PALLD: variants seen among roughly 807,000 people sequenced by gnomAD.
PALLD encodes palladin, cytoskeletal associated protein, also known as palladin.
A neutral mutation model predicts 123.5 loss-of-function variants in PALLD; 61 were observed. The observed-to-expected ratio is 0.49, with a 90% CI of 0.40 to 0.61. The LOEUF is 0.61. Among genes scored for constraint, PALLD ranks in the 20% least tolerant of loss-of-function variants. The pLI is 0.00. For synonymous variants in PALLD, 465 were observed against 496.4 expected, an observed-to-expected ratio of 0.94 and a Z score of 0.84; for missense variants, 1,273 against 1,377.0, an observed-to-expected ratio of 0.92 and a Z score of 1.20.
At chr4:168,917,832 T>C (rs917860382) in intron 17 of PALLD, among the ~76,000 whole-genome samples, 17 of 152,242 alleles carry the variant, frequency 1.1e-4, no homozygotes, top group Admixed American at 1.1e-3. Flanking sequence ...TCATTTTTGG[T>C]CTATAATTAA....
chr4:168,534,524 T>C (rs1389880328), intron 2 of PALLD, among the ~76,000 whole-genome samples: 4 of 152,248 alleles, frequency 2.6e-5, no homozygotes, highest in African/African-American at 9.6e-5. Context: ...ATGGAGAAGA[T>C]TGATACTTTT....
chr4:168,728,722 A>T (rs1018506614), intron 10 of PALLD, among the ~76,000 whole-genome samples: 1 of 151,890 alleles, frequency 6.6e-6, no homozygotes, highest in African/African-American at 2.4e-5. Flanking sequence ...TTATTTTCCC[A>T]TAAGTTATTG....
chr4:168,657,739 C>T (rs1000501049), intron 2 of PALLD, among the ~76,000 whole-genome samples: 1 of 152,202 alleles, frequency 6.6e-6, no homozygotes, highest in African/African-American at 2.4e-5. Flanking sequence ...GCAGCTCCAC[C>T]TTCCCTTTTC....
intron 10 of PALLD, among the ~76,000 whole-genome samples, chr4:168,830,799 C>T (rs968422098): frequency 6.6e-6 from 1 of 152,112 alleles, no homozygotes; most frequent in Non-Finnish European, 1.5e-5. Context: ...AGACAGTGAA[C>T]CTAGCAATGC....
Position 168,901,565 on chromosome 4 carries a change from T to G in PALLD, c.2473-2192T>G, listed in dbSNP as rs1756519917. Among the ~76,000 whole-genome samples, 3 of 152,104 alleles carry G rather than the reference T, an allele frequency of 2.0e-5. No individual in the cohort carries two copies. In the South Asian group the frequency reaches 6.2e-4, roughly 31 times the overall value. On this transcript the variant is annotated intron_variant, in intron 14 of 21. Coordinates refer to ENST00000505667, the MANE Select transcript of PALLD (RefSeq NM_001166108.2). ...TACAGCTTCTTTTTTCCATCAGAAA[T>G]AGTCAACCATAGCCAGGCACAGTGG...
At chr4:168,904,837 A>G (rs1757290524) in intron 15 of PALLD, among the ~76,000 whole-genome samples, 1 of 152,132 alleles carries the variant, frequency 6.6e-6, no homozygotes, top group African/African-American at 2.4e-5. Context: ...TTTTAATTAA[A>G]GTTTCTGGCC....
intron 2 of PALLD, among the ~76,000 whole-genome samples, chr4:168,583,918 G>A (rs976953822): frequency 6.6e-6 from 1 of 151,914 alleles, no homozygotes; most frequent in Admixed American, 6.6e-5. Context: ...ACCAAGAAAG[G>A]CATAGTTTCC....
intron 2 of PALLD, among the ~76,000 whole-genome samples, chr4:168,612,963 C>T (rs903277074): frequency 2.0e-5 from 3 of 152,200 alleles, no homozygotes; most frequent in Non-Finnish European, 2.9e-5. Context: ...ACCAGGCTTT[C>T]ATCATCAAGA....
intron 2 of PALLD, among the ~76,000 whole-genome samples, chr4:168,555,195 T>G (rs1231621145): frequency 6.6e-6 from 1 of 152,154 alleles, no homozygotes; most frequent in Non-Finnish European, 1.5e-5. Flanking sequence ...TTTTCCCCAG[T>G]GAATTGAACT....
intron 8 of PALLD, among the ~76,000 whole-genome samples, chr4:168,707,044 T>G (rs1784297725): frequency 6.6e-6 from 1 of 152,218 alleles, no homozygotes; most frequent in African/African-American, 2.4e-5. Context: ...TATTTAAAGC[T>G]CTCTTCAATA....
At chr4:168,534,001 C>T (rs1402474222) in intron 2 of PALLD, among the ~76,000 whole-genome samples, 1 of 152,146 alleles carries the variant, frequency 6.6e-6, no homozygotes, top group Non-Finnish European at 1.5e-5. Flanking sequence ...GCCAAATAAT[C>T]TTGTATAATA....
chr4:168,924,729 A>C (rs956173703), intron 19 of PALLD, among the ~76,000 whole-genome samples: 5 of 152,200 alleles, frequency 3.3e-5, no homozygotes, highest in African/African-American at 9.7e-5. Context: ...GCAGATCCTC[A>C]ACTAGGAATT....
chr4:168,559,799 C>T (rs1289732357), intron 2 of PALLD, among the ~76,000 whole-genome samples: 1 of 151,778 alleles, frequency 6.6e-6, no homozygotes, highest in African/African-American at 2.4e-5. Context: ...GCCTGTAGTA[C>T]CGGCTACCCA....
intron 10 of PALLD, among the ~76,000 whole-genome samples, chr4:168,821,879 CA>C (rs910886193): frequency 0.042 from 2,435 of 58,302 alleles, 52 homozygotes; most frequent in African/African-American, 0.12. Context: ...AACGCTGTCT[CA>C]AAAAAAAAAA....
At chr4:168,590,347 A>C (rs889944683) in intron 2 of PALLD, among the ~76,000 whole-genome samples, 1 of 152,208 alleles carries the variant, frequency 6.6e-6, no homozygotes, top group Admixed American at 6.5e-5. Flanking sequence ...CGTCTCAAAA[A>C]ACAGTCTTAA....
At chr4:168,562,028 G>A (rs2149579035) in intron 2 of PALLD, among the ~76,000 whole-genome samples, 2 of 151,894 alleles carry the variant, frequency 1.3e-5, no homozygotes, top group Admixed American at 1.3e-4. Context: ...ATAACAGCTG[G>A]ATTATTATCT....
intron 2 of PALLD, among the ~76,000 whole-genome samples, chr4:168,597,672 T>G (rs1416066870): frequency 6.6e-6 from 1 of 152,152 alleles, no homozygotes; most frequent in Non-Finnish European, 1.5e-5. Flanking sequence ...TTTTTTATTT[T>G]TGATATTTGA....
intron 2 of PALLD, among the ~76,000 whole-genome samples, chr4:168,638,454 C>CT (rs1776568904): frequency 6.6e-6 from 1 of 152,162 alleles, no homozygotes; most frequent in Non-Finnish European, 1.5e-5. Context: ...CTCAGCTGTT[C>CT]TGAGTCTAGA....
rs1343801550 is a variant in PALLD at position 168,913,866 on chromosome 4, A to G, written c.2623-61A>G. The G allele has an allele frequency of 6.5e-6, 7 of 1,076,338 alleles. No individual in the cohort carries two copies. In the East Asian group the frequency reaches 1.4e-4, roughly 22 times the overall value. The allele number at this position is 1,076,338 out of a possible 1,614,324, so 66.7% of individuals were successfully genotyped here. On this transcript the variant is annotated intron_variant, in intron 15 of 21. Transcript: ENST00000505667. ...TATAGAGAATAGGACAGTAGGCATG[A>G]TAGTGCTTAGTGGTTAATAGTTTTA...
Sources: allele counts gnomAD v4.1 joint callset (sites outside exome capture counted in the v4.1 genomes callset), GRCh38; gene constraint gnomAD v4.1.1; transcripts MANE v1.5; gene names NCBI Gene and HGNC (gene_info 2026-07-23, HGNC 2026-07-21).